The following NAV3 variants were observed in gnomAD, a reference collection of about 807,000 sequenced individuals.
NAV3 encodes pore membrane and/or filament interacting like protein 1.
NAV3 carries 87 observed loss-of-function variants against 244.7 expected under a neutral mutation model. The observed-to-expected ratio is 0.36, with a 90% confidence interval of 0.30 to 0.42. The LOEUF is 0.42. Ranked by LOEUF, NAV3 falls within the 20% of genes least tolerant of loss-of-function variation. The probability of loss-of-function intolerance (pLI) is 1.00; values close to 1 mark genes in which losing one functional copy is unlikely to be tolerated. For synonymous variants in NAV3, 1,126 were observed against 1,042.2 expected (o/e 1.08, Z -1.55); for missense variants, 2,663 against 2,893.3 (o/e 0.92, Z 1.83).
intron 12 of NAV3, among the ~76,000 whole-genome samples, chr12:78,116,036 A>G (rs1160726811): frequency 6.6e-6 from 1 of 152,164 alleles, no homozygotes; most frequent in African/African-American, 2.4e-5. Flanking sequence ...CGGGCATTTC[A>G]TTTTAGTAAC....
At chr12:77,725,006 A>C (rs573443505) in intron 2 of NAV3, among the ~76,000 whole-genome samples, 1 of 152,138 alleles carries the variant, frequency 6.6e-6, no homozygotes, top group South Asian at 2.1e-4. Flanking sequence ...TAAATTCACT[A>C]ACCTTAAAAG....
Position 78,119,354 on chromosome 12 carries a change from C to A in NAV3, c.3158C>A (p.Pro1053His), listed in dbSNP as rs537721481. 5.0e-6 allele frequency: 8 copies of A among 1,614,152 alleles called. No individual in the cohort carries two copies. In the South Asian group the frequency reaches 8.8e-5, roughly 18 times the overall value. ...AGTGGAGATGAAGGGAAAAAGCCCC[C>A]CTCAGGCATTGGAAGATCGACTGCC... ...KSSGDEGKKP[P>H]SGIGRSTATS... Residue 1053 changes from proline (P) to histidine (H), a missense_variant, in exon 15 of 40, where the codon CCC (proline) becomes CAC (histidine). By Grantham distance (77) the Pro-to-His change is moderately conservative (BLOSUM62 -2). Transcript: ENST00000397909.
rs2138698678 is a variant in NAV3 at position 78,122,276 on chromosome 12, C to T, written c.4086C>T (p.Ser1362=). The T allele has an allele frequency of 6.2e-7, 1 of 1,614,152 alleles. No individual in the cohort carries two copies. The highest frequency in any genetic ancestry group is 8.5e-7 in the Non-Finnish European group (1 of 1,180,018). The change falls in exon 16 of 40, where the codon AGC becomes AGT. Residue 1362 remains serine, a synonymous_variant. Transcript: ENST00000397909. ...SSSAGSKDTP[S]YQSMTSLHTS... The stretch of plus-strand genomic sequence containing the variant: ...CTGCAGGCAGCAAGGATACTCCGAG[C>T]TACCAGTCCATGACTAGCCTCCACA...
intron 12 of NAV3, among the ~76,000 whole-genome samples, chr12:78,081,618 T>C (rs995777125): frequency 6.6e-6 from 1 of 152,168 alleles, no homozygotes; most frequent in Non-Finnish European, 1.5e-5. Flanking sequence ...TTTACCCATG[T>C]AAATAGGCAG....
chr12:77,617,413 C>G (rs1197493904), intron 2 of NAV3, among the ~76,000 whole-genome samples: 1 of 152,124 alleles, frequency 6.6e-6, no homozygotes, highest in Non-Finnish European at 1.5e-5. Flanking sequence ...CTTTGGATTA[C>G]TTGTCCTGGG....
At chr12:77,675,052 G>A (rs1454985026) in intron 2 of NAV3, among the ~76,000 whole-genome samples, 1 of 152,162 alleles carries the variant, frequency 6.6e-6, no homozygotes, top group Admixed American at 6.5e-5. Flanking sequence ...TACGGTAAGT[G>A]CATTTCAGGC....
At chr12:77,843,672 G>T (rs1876112109) in intron 1 of NAV3, among the ~76,000 whole-genome samples, 1 of 151,810 alleles carries the variant, frequency 6.6e-6, no homozygotes, top group African/African-American at 2.4e-5. Flanking sequence ...AACAATCATA[G>T]CTTTTACTGT....
chr12:77,781,958 C>A (rs1870683921), intron 2 of NAV3, among the ~76,000 whole-genome samples: 1 of 152,108 alleles, frequency 6.6e-6, no homozygotes, highest in Admixed American at 6.6e-5. Flanking sequence ...AGAAACAAGT[C>A]CCATGTCCCA....
chr12:77,663,010 T>G (rs1446999440), intron 2 of NAV3, among the ~76,000 whole-genome samples: 1 of 152,176 alleles, frequency 6.6e-6, no homozygotes, highest in African/African-American at 2.4e-5. Context: ...TTATGTTTAT[T>G]GCATAATTTG....
chr12:77,826,125 C>A (rs1319325717), upstream of NAV3, among the ~76,000 whole-genome samples: 2 of 152,176 alleles, frequency 1.3e-5, no homozygotes, highest in South Asian at 2.1e-4. Flanking sequence ...CATGCTTACA[C>A]AAATATATAG....
intron 12 of NAV3, among the ~76,000 whole-genome samples, chr12:78,114,204 C>A (rs887384271): frequency 2.0e-5 from 3 of 152,186 alleles, no homozygotes; most frequent in Non-Finnish European, 4.4e-5. Context: ...CAACAAGTCT[C>A]TAGGAAGTTT....
At chr12:77,989,382 C>T (rs1486209874) in intron 5 of NAV3, among the ~76,000 whole-genome samples, 1 of 152,132 alleles carries the variant, frequency 6.6e-6, no homozygotes, top group Non-Finnish European at 1.5e-5. Context: ...ATTTCATAAA[C>T]ATTAGGTATT....
intron 5 of NAV3, among the ~76,000 whole-genome samples, chr12:77,986,134 G>A (rs1870465566): frequency 6.6e-6 from 1 of 152,156 alleles, no homozygotes; most frequent in Admixed American, 6.6e-5. Context: ...GGCCAAGGCG[G>A]GTGGATCACT....
At chr12:77,729,037 G>A (rs1877009765) in intron 2 of NAV3, among the ~76,000 whole-genome samples, 1 of 151,852 alleles carries the variant, frequency 6.6e-6, no homozygotes, top group Non-Finnish European at 1.5e-5. Flanking sequence ...TATTTGTATT[G>A]TAAGAATATA....
chr12:77,731,862 T>C (rs1365683448), intron 2 of NAV3, among the ~76,000 whole-genome samples: 2 of 151,908 alleles, frequency 1.3e-5, no homozygotes, highest in Non-Finnish European at 2.9e-5. Context: ...AGATTGCAAA[T>C]GTAGCACAAT....
At chr12:77,917,023 TATAAAC>T (rs1363068123) in intron 1 of NAV3, among the ~76,000 whole-genome samples, 1 of 152,036 alleles carries the variant, frequency 6.6e-6, no homozygotes, top group African/African-American at 2.4e-5. Context: ...AAACTAGTCT[TATAAAC>T]ATAGCATTAT....
chr12:78,128,904 T>C, intron 18 of NAV3, 38 bp downstream of exon 18: 1 of 1,584,710 alleles, frequency 6.3e-7, no homozygotes. Context: ...TTTTGTTTCT[T>C]TCACCACCCA....
chr12:77,987,423 G>A (rs78821922), intron 5 of NAV3, among the ~76,000 whole-genome samples: 1 of 152,170 alleles, frequency 6.6e-6, no homozygotes, highest in Non-Finnish European at 1.5e-5. Flanking sequence ...CAGGACTGTT[G>A]TGAGGATTGA....
At chr12:77,681,724 G>T (rs1173563730) in intron 2 of NAV3, among the ~76,000 whole-genome samples, 1 of 152,032 alleles carries the variant, frequency 6.6e-6, no homozygotes, top group African/African-American at 2.4e-5. Flanking sequence ...ATGCTTTGAT[G>T]AGTTTTTATA....
Sources: gnomAD v4.1 joint callset for allele counts (sites outside exome capture counted in the v4.1 genomes callset) on GRCh38, gnomAD v4.1.1 for gene constraint, MANE v1.5 for transcripts, NCBI Gene and HGNC (gene_info 2026-07-23, HGNC 2026-07-21) for gene names.